GOLM1: variants seen among roughly 807,000 people sequenced by gnomAD.
GOLM1 encodes epididymis luminal protein 46.
A neutral mutation model predicts 50.5 loss-of-function variants in GOLM1; 31 were observed. The observed-to-expected ratio is 0.61, with a 90% CI of 0.46 to 0.83. The LOEUF (loss-of-function observed/expected upper bound fraction) is 0.83, where lower values mean the gene tolerates loss of function less well. Ranked by LOEUF, GOLM1 falls within the 40% of genes least tolerant of loss-of-function variation. GOLM1 has a pLI of 0.00. For missense variants in GOLM1, 491 were observed against 501.3 expected, an observed-to-expected ratio of 0.98 and a Z score of 0.20; for synonymous variants, 178 against 192.8, an observed-to-expected ratio of 0.92 and a Z score of 0.64.
chr9:86,099,857 T>A (rs1395708472), upstream of GOLM1, among the ~76,000 whole-genome samples: 2 of 151,918 alleles, frequency 1.3e-5, no homozygotes, highest in Non-Finnish European at 2.9e-5. Flanking sequence ...GGGGAAAGGG[T>A]ACCTGGGGGG....
Position 86,082,025 on chromosome 9 carries a change from C to CTTTTTTTTT in GOLM1, c.-21-2693_-21-2685dup, listed in dbSNP as rs35208119. On this transcript the variant is annotated intron_variant, in intron 1 of 9. Transcript: ENST00000388712. ...AGGGGCATCAGCATCACCTGGGACA[C>CTTTTTTTTT]TTTTTTTTTTTTTTTTTTTTTGAGA... 1.3e-4 allele frequency among the ~76,000 whole-genome samples: 11 copies of CTTTTTTTTT among 84,514 alleles called. 3 individuals are homozygous for CTTTTTTTTT. The highest frequency in any genetic ancestry group is 2.2e-4 in the Non-Finnish European group (10 of 45,792). 55.4% of individuals were successfully genotyped at this position (84,514 alleles called of 152,430 possible).
chr9:86,071,078 T>TACACACAC (rs58612344), intron 3 of GOLM1, among the ~76,000 whole-genome samples: 9,378 of 148,242 alleles, frequency 0.063, 336 homozygotes, highest in African/African-American at 0.099. Context: ...TATATACATG[T>TACACACAC]ACACACACAC....
intron 3 of GOLM1, among the ~76,000 whole-genome samples, chr9:86,053,564 CA>C (rs1833862702): frequency 4.3e-3 from 12 of 2,804 alleles, no homozygotes; most frequent in Middle Eastern, 0.12. Flanking sequence ...ACTACACACA[CA>C]CACATCACAC....
intron 3 of GOLM1, among the ~76,000 whole-genome samples, chr9:86,075,268 C>A (rs1396141729): frequency 6.6e-6 from 1 of 152,210 alleles, no homozygotes; most frequent in African/African-American, 2.4e-5. Flanking sequence ...CAGCCTTAAA[C>A]AGACTAAGAC....
At chr9:86,087,394 G>A (rs920059057) in intron 1 of GOLM1, among the ~76,000 whole-genome samples, 4 of 152,216 alleles carry the variant, frequency 2.6e-5, no homozygotes, top group Non-Finnish European at 4.4e-5. Flanking sequence ...TCTGCAAACA[G>A]GGATCATATG....
At chr9:86,095,782 C>A (rs1033256544) in intron 1 of GOLM1, among the ~76,000 whole-genome samples, 1 of 152,172 alleles carries the variant, frequency 6.6e-6, no homozygotes, top group Non-Finnish European at 1.5e-5. Context: ...GGGATGGAGA[C>A]TGACCTGGCA....
chr9:86,034,984 T>C (rs569525265), intron 8 of GOLM1: 1 of 983,776 alleles, frequency 1.0e-6, no homozygotes, highest in African/African-American at 1.7e-5. Context: ...CTTCCTTCAT[T>C]CATTCACTAG....
chr9:86,068,100 A>G (rs899372562), intron 3 of GOLM1, among the ~76,000 whole-genome samples: 36 of 152,322 alleles, frequency 2.4e-4, no homozygotes, highest in African/African-American at 8.2e-4. Context: ...GGTGGGCCCT[A>G]TCCAATATGA....
rs372148126 is a variant in GOLM1, at chr9:86,057,418, C to CT, written c.310-4828dup. Among the ~76,000 whole-genome samples the CT allele has an allele frequency of 3.6e-3, 535 of 147,504 alleles. 3 individuals carry two copies. The highest frequency in any genetic ancestry group is 0.032 in the South Asian group (152 of 4,708). Reference sequence around the variant, plus strand: ...TCACACTGTAAAAAGTAGAAGGTGACTTTTTTTTTTTGAGTGAAACAGGAG... The same window carrying CT: ...TCACACTGTAAAAAGTAGAAGGTGACTTTTTTTTTTTTGAGTGAAACAGGAG... On this transcript the variant is annotated intron_variant, in intron 3 of 9. Coordinates refer to ENST00000388712, the MANE Select transcript of GOLM1 (RefSeq NM_016548.4).
intron 1 of GOLM1, among the ~76,000 whole-genome samples, chr9:86,096,088 T>C (rs1316761029): frequency 2.0e-5 from 3 of 152,016 alleles, no homozygotes; most frequent in Admixed American, 6.6e-5. Context: ...TGCAGTGATA[T>C]GAGACTTTAA....
chr9:86,045,222 G>C (rs1446782975), intron 5 of GOLM1, among the ~76,000 whole-genome samples: 2 of 151,612 alleles, frequency 1.3e-5, no homozygotes, highest in Non-Finnish European at 2.9e-5. Flanking sequence ...GTGGTGGTGG[G>C]CGCCTGTAGT....
chr9:86,086,617 GTTAGT>G (rs1447938566), intron 1 of GOLM1, among the ~76,000 whole-genome samples: 1 of 152,184 alleles, frequency 6.6e-6, no homozygotes, highest in East Asian at 1.9e-4. Flanking sequence ...TCCATCTTGA[GTTAGT>G]TTTTGTACAA....
chr9:86,062,962 G>A (rs1451162276), intron 3 of GOLM1, among the ~76,000 whole-genome samples: 1 of 152,180 alleles, frequency 6.6e-6, no homozygotes, highest in Non-Finnish European at 1.5e-5. Context: ...TCATCACCCA[G>A]CTGCCAGGGA....
intron 5 of GOLM1, among the ~76,000 whole-genome samples, chr9:86,041,906 A>AGGAGAT (rs1833365203): frequency 6.6e-6 from 1 of 152,170 alleles, no homozygotes; most frequent in Admixed American, 6.5e-5. Context: ...TCACGAGGTC[A>AGGAGAT]GGAGATGGAG....
Position 86,026,801 on chromosome 9 carries a change from A to C in GOLM1, c.*1016T>G, listed in dbSNP as rs1230968873. 1 of 978,370 alleles carries C rather than the reference A, an allele frequency of 1.0e-6. No individual in the cohort carries two copies. The highest frequency in any genetic ancestry group is 1.2e-6 in the Non-Finnish European group (1 of 823,594). 60.6% of individuals were successfully genotyped at this position (978,370 alleles called of 1,614,324 possible). Reference sequence around the variant, plus strand: ...ACTTGATTTTAAAATCAGTTTTGTGAGTCATTTACCACAAGCTAAATGTGT... The same window carrying C: ...ACTTGATTTTAAAATCAGTTTTGTGCGTCATTTACCACAAGCTAAATGTGT... On this transcript the variant is annotated 3_prime_UTR_variant, in exon 10 of 10. Transcript: ENST00000388712.
At chr9:86,029,793 C>A (rs1269145446) in intron 9 of GOLM1, among the ~76,000 whole-genome samples, 3 of 152,210 alleles carry the variant, frequency 2.0e-5, no homozygotes, top group Non-Finnish European at 2.9e-5. Flanking sequence ...CTTTACCTTA[C>A]CTACTTACTT....
intron 1 of GOLM1, among the ~76,000 whole-genome samples, chr9:86,094,001 T>C (rs1306727068): frequency 6.6e-6 from 1 of 152,158 alleles, no homozygotes; most frequent in Non-Finnish European, 1.5e-5. Context: ...CAGAAGTCAC[T>C]GCAATGAGCA....
Position 86,027,629 on chromosome 9 carries a change from C to A in GOLM1, c.*188G>T, listed in dbSNP as rs777283751. The A allele has an allele frequency of 5.1e-5, 70 of 1,360,740 alleles. No individual in the cohort carries two copies. The highest frequency in any genetic ancestry group is 6.3e-5 in the Non-Finnish European group (67 of 1,061,174). 84.3% of individuals were successfully genotyped at this position (1,360,740 alleles called of 1,614,324 possible). ...ACCTTATTAGACACTTCCAAAGTAC[C>A]CCCCAAAAGCTGTTTAAAAGACCAT... On this transcript the variant is annotated 3_prime_UTR_variant, in exon 10 of 10. Coordinates refer to ENST00000388712, the MANE Select transcript of GOLM1 (RefSeq NM_016548.4).
intron 3 of GOLM1, among the ~76,000 whole-genome samples, chr9:86,065,383 C>T (rs900269319): frequency 2.6e-5 from 4 of 152,182 alleles, no homozygotes; most frequent in Non-Finnish European, 5.9e-5. Context: ...AACAGAAAAG[C>T]TGCTCTAGAA....
Sources: allele counts gnomAD v4.1 joint callset (sites outside exome capture counted in the v4.1 genomes callset), GRCh38; gene constraint gnomAD v4.1.1; transcripts MANE v1.5; gene names NCBI Gene and HGNC (gene_info 2026-07-23, HGNC 2026-07-21).